Variants in CAPN2 observed in about 807,000 individuals in gnomAD.
CAPN2 encodes the protein calpain-2 catalytic subunit.
In CAPN2, 92 loss-of-function variants were observed where a neutral mutation model predicts 102.3. The observed-to-expected ratio is 0.90, with a 90% CI of 0.76 to 1.07. The LOEUF is 1.07. CAPN2 is among the 50% of genes least tolerant of loss of function. The probability of loss-of-function intolerance (pLI) is 0.00; values close to 1 mark genes in which losing one functional copy is unlikely to be tolerated. For synonymous variants in CAPN2, 340 were observed against 355.4 expected, an observed-to-expected ratio of 0.96 and a Z score of 0.49; for missense variants, 800 against 909.4, an observed-to-expected ratio of 0.88 and a Z score of 1.55.
chr1:223,705,633 G>C (rs1453507310), intron 1 of CAPN2, among the ~76,000 whole-genome samples: 1 of 152,108 alleles, frequency 6.6e-6, no homozygotes, highest in African/African-American at 2.4e-5. Flanking sequence ...TTATGGACGG[G>C]GCCAACTCCT....
intron 2 of CAPN2, among the ~76,000 whole-genome samples, chr1:223,720,435 C>T (rs577467290): frequency 1.3e-5 from 2 of 151,202 alleles, no homozygotes; most frequent in East Asian, 3.9e-4. Flanking sequence ...CCCACCTCAG[C>T]CTTCTGAGTA....
chr1:223,703,156 A>G (rs971131582), intron 1 of CAPN2, among the ~76,000 whole-genome samples: 13 of 152,154 alleles, frequency 8.5e-5, no homozygotes, highest in African/African-American at 3.1e-4. Context: ...TTGCATTCAA[A>G]TGCCAACTCC....
chr1:223,758,886 G>T (rs1468153571), intron 11 of CAPN2: 3 of 278,114 alleles, frequency 1.1e-5, no homozygotes, highest in Non-Finnish European at 2.1e-5. Flanking sequence ...AGAGACAGGG[G>T]TCTCACTACA....
chr1:223,727,306 C>T lies in CAPN2; in HGVS notation c.307+9475C>T, dbSNP rs1220634104. ...TCAGGGTTTCTCAACCTTGGCACAA[C>T]TGACTGGATAATTGTTCATTGTAGG... On this transcript the variant is annotated intron_variant, in intron 2 of 20. Coordinates refer to ENST00000295006, the MANE Select transcript of CAPN2 (RefSeq NM_001748.5). This position sits in a 1 kb window ranked among gnomAD's most constrained non-coding sequence, Gnocchi z 4.1. Among the ~76,000 whole-genome samples the T allele has an allele frequency of 6.6e-6, 1 of 152,214 alleles. No homozygotes were observed. The highest frequency in any genetic ancestry group is 1.5e-5 in the Non-Finnish European group (1 of 68,036).
At chr1:223,766,315 T>C in intron 15 of CAPN2, 52 bp from the exon 16 acceptor site, 1 of 1,341,552 alleles carries the variant, frequency 7.5e-7, no homozygotes, top group East Asian at 2.3e-5. Context: ...GAAAGTTCAG[T>C]TGGACATCAC....
intron 2 of CAPN2, among the ~76,000 whole-genome samples, chr1:223,740,733 G>A (rs1660591848): frequency 6.6e-6 from 1 of 152,148 alleles, no homozygotes; most frequent in African/African-American, 2.4e-5. Context: ...GTTAGCACAG[G>A]TCTTTGAATA....
In CAPN2 at chr1:223,755,213, A is replaced by G. The variant is rs942408642; in HGVS notation, c.1136-267A>G. On this transcript the variant is annotated intron_variant, in intron 9 of 20. Coordinates refer to ENST00000295006, the MANE Select transcript of CAPN2 (RefSeq NM_001748.5). The surrounding 1 kb of genome is among the most constrained non-coding windows in gnomAD (Gnocchi z 4.1). ...CCTCTGCCATCTCCCACCATCTCCCACTGTCTCCCACAGCCTCCCACCGCC... is the reference window on the plus strand; with the variant it reads ...CCTCTGCCATCTCCCACCATCTCCCGCTGTCTCCCACAGCCTCCCACCGCC... Among the ~76,000 whole-genome samples the G allele has an allele frequency of 2.2e-4, 33 of 149,442 alleles. No individual in the cohort carries two copies. The highest frequency in any genetic ancestry group is 1.1e-3 in the Admixed American group (16 of 15,018).
intron 2 of CAPN2, among the ~76,000 whole-genome samples, chr1:223,720,942 A>G (rs1324527429): frequency 6.6e-6 from 1 of 152,074 alleles, no homozygotes; most frequent in Non-Finnish European, 1.5e-5. Context: ...CATCTTCTCT[A>G]CCTGCGCTTT....
chr1:223,744,198 G>T lies in CAPN2; in HGVS notation c.406G>T (p.Ala136Ser). The change falls in exon 3 of 21, where the codon GCA (alanine) becomes TCA (serine). Residue 136 changes from alanine to serine, a missense_variant. Transcript: ENST00000295006. ...PLNQSFQENY[A>S]GIFHFQFWQY... The stretch of plus-strand genomic sequence containing the variant: ...AAACCAGAGCTTCCAGGAAAACTAT[G>T]CAGGGATCTTTCACTTCCAGGTAAC... The T allele has an allele frequency of 6.2e-7, 1 of 1,612,626 alleles. No homozygotes were observed. Among genetic ancestry groups the T allele is most frequent in the Non-Finnish European group, 8.5e-7 (1 of 1,178,628 alleles).
intron 20 of CAPN2, 47 bp downstream of exon 20, chr1:223,772,286 T>A (rs759455500): frequency 2.6e-6 from 4 of 1,551,798 alleles, no homozygotes; most frequent in African/African-American, 2.7e-5. Context: ...GGGGGAGGCA[T>A]GGGGCGGAAA....
intron 14 of CAPN2, 30 bp from the exon 15 acceptor site, chr1:223,764,120 A>G (rs1453724835): frequency 6.2e-7 from 1 of 1,600,986 alleles, no homozygotes; most frequent in African/African-American, 1.3e-5. Flanking sequence ...ACGGGGGGCC[A>G]ATAACTATGC....
chr1:223,746,917 G>T, intron 4 of CAPN2, 80 bp from the exon 5 acceptor site: 1 of 1,239,860 alleles, frequency 8.1e-7, no homozygotes. Flanking sequence ...AAATCTAGAC[G>T]GTACTAGGGG....
At chr1:223,737,709 G>GGA (rs1660496032) in intron 2 of CAPN2, among the ~76,000 whole-genome samples, 1 of 30,568 alleles carries the variant, frequency 3.3e-5, no homozygotes, top group African/African-American at 8.1e-5. Context: ...AGACGGGGCG[G>GGA]GGGGTGGGGG....
chr1:223,773,437 T>C (rs957176124), intron 20 of CAPN2, among the ~76,000 whole-genome samples: 1 of 152,108 alleles, frequency 6.6e-6, no homozygotes, highest in Admixed American at 6.5e-5. Context: ...CTCACATCTA[T>C]AATCCTAGCA....
At chr1:223,711,701 C>T (rs1159542908), upstream of CAPN2, among the ~76,000 whole-genome samples, 1 of 152,244 alleles carries the variant, frequency 6.6e-6, no homozygotes, top group African/African-American at 2.4e-5. Flanking sequence ...ACTTCTCCCT[C>T]CTGGGTTCAA....
intron 1 of CAPN2, among the ~76,000 whole-genome samples, chr1:223,715,878 A>G (rs1186084906): frequency 1.3e-5 from 2 of 152,230 alleles, no homozygotes; most frequent in African/African-American, 4.8e-5. Flanking sequence ...TAATAATAAT[A>G]GATCACATTT....
chr1:223,764,749 C>T (rs1202627236), intron 15 of CAPN2, among the ~76,000 whole-genome samples: 5 of 152,210 alleles, frequency 3.3e-5, no homozygotes, highest in Non-Finnish European at 7.4e-5. Flanking sequence ...CTACCACATC[C>T]AGCTAATTTT....
chr1:223,712,618 AG>A lies in CAPN2; in HGVS notation c.-22del, dbSNP rs1558378859. The A allele has an allele frequency of 1.3e-6, 2 of 1,506,342 alleles. No individual in the cohort carries two copies. Among genetic ancestry groups the A allele is most frequent in the Non-Finnish European group, 1.8e-6 (2 of 1,126,618 alleles). 93.3% of individuals were successfully genotyped at this position (1,506,342 alleles called of 1,614,324 possible). A position where few individuals can be genotyped will look rare whatever the true frequency, so the allele number is the denominator to read the frequency against. On this transcript the variant is annotated 5_prime_UTR_variant, in exon 1 of 21. Transcript: ENST00000295006. Reference sequence around the variant, plus strand: ...GAGTCGCCCCGACCTTTCTCTGCGCAGTACGGCCGCCGGGACCGCAGCATGG... The same window carrying A: ...GAGTCGCCCCGACCTTTCTCTGCGCATACGGCCGCCGGGACCGCAGCATGG...
chr1:223,761,049 C>T (rs574976702), intron 12 of CAPN2, among the ~76,000 whole-genome samples: 1 of 152,208 alleles, frequency 6.6e-6, no homozygotes, highest in Admixed American at 6.5e-5. Flanking sequence ...AAATGACACA[C>T]AGGCCTCTGC....
Sources: allele counts gnomAD v4.1 joint callset (sites outside exome capture counted in the v4.1 genomes callset), GRCh38; gene constraint gnomAD v4.1.1; non-coding constraint Gnocchi (gnomAD v3.1); transcripts MANE v1.5; gene names NCBI Gene and HGNC (gene_info 2026-07-23, HGNC 2026-07-21).